The following STK17A variants were observed in gnomAD, a reference collection of about 807,000 sequenced individuals.
The protein encoded by STK17A is serine/threonine-protein kinase 17A.
A neutral mutation model predicts 43.7 loss-of-function variants in STK17A; 26 were observed. The ratio of observed to expected loss-of-function variants is 0.60; its 90% CI spans 0.44 to 0.83. The LOEUF (loss-of-function observed/expected upper bound fraction) is 0.83. Among genes scored for constraint, STK17A ranks in the 40% least tolerant of loss-of-function variants. STK17A has a pLI of 0.00. For synonymous variants in STK17A, 191 were observed against 182.5 expected, an observed-to-expected ratio of 1.05 and a Z score of -0.38; for missense variants, 476 against 511.6, an observed-to-expected ratio of 0.93 and a Z score of 0.67.
chr7:43,599,015 T>C (rs967279081), intron 2 of STK17A, among the ~76,000 whole-genome samples: 1 of 152,232 alleles, frequency 6.6e-6, no homozygotes, highest in African/African-American at 2.4e-5. Context: ...TCCACCTGCC[T>C]TGGCCTCCCA....
chr7:43,597,316 AAAT>A (rs1384359355), intron 2 of STK17A, among the ~76,000 whole-genome samples: 2 of 152,028 alleles, frequency 1.3e-5, no homozygotes, highest in Admixed American at 1.3e-4. Context: ...TATGGAAAAA[AAAT>A]CCTAAAAAAT....
In STK17A at chr7:43,617,552, C is replaced by CTA. The variant is rs1414411553; in HGVS notation, c.565-2045_565-2044insTA. ...CTCCTATTCTGAGGGATGATCATAGCATTCACTGAGACGCCTGTCATTGGC... is the reference window on the plus strand; with the variant it reads ...CTCCTATTCTGAGGGATGATCATAGCTAATTCACTGAGACGCCTGTCATTGGC... On this transcript the variant is annotated intron_variant, in intron 3 of 6. Coordinates refer to ENST00000319357, the MANE Select transcript of STK17A (RefSeq NM_004760.3). 2.0e-5 allele frequency among the ~76,000 whole-genome samples: 3 copies of CTA among 152,160 alleles called. No individual in the cohort carries two copies. In the East Asian group the frequency reaches 5.8e-4, roughly 29 times the overall value.
In STK17A at chr7:43,602,627, C is replaced by T. The variant is rs185412495; in HGVS notation, c.420-5629C>T. 1.4e-4 allele frequency among the ~76,000 whole-genome samples: 21 copies of T among 152,220 alleles called. No homozygotes were observed. The East Asian group carries it at 4.0e-3, about 29-fold the overall frequency. Reference sequence around the variant, plus strand: ...CACAGCCCTATTTTTTTAAAATCTCCTCCTCCTCTCAGAGCCGTTTATCCT... The same window carrying T: ...CACAGCCCTATTTTTTTAAAATCTCTTCCTCCTCTCAGAGCCGTTTATCCT... On this transcript the variant is annotated intron_variant, in intron 2 of 6. Coordinates refer to ENST00000319357, the MANE Select transcript of STK17A (RefSeq NM_004760.3).
rs995996552 is a variant in STK17A, at chr7:43,619,840, A to G, written c.691+117A>G. Reference sequence around the variant, plus strand: ...CTATCTACTATGTTGAAATTCTACCATCAGAGATCTATTCCTTTGGATTAC... The same window carrying G: ...CTATCTACTATGTTGAAATTCTACCGTCAGAGATCTATTCCTTTGGATTAC... On this transcript the variant is annotated intron_variant, in intron 4 of 6. Transcript: ENST00000319357. 2.4e-5 allele frequency: 31 copies of G among 1,309,560 alleles called. No individual in the cohort carries two copies. In the African/African-American group the frequency reaches 4.3e-4, roughly 18 times the overall value. The allele number at this position is 1,309,560 out of a possible 1,614,324, so 81.1% of individuals were successfully genotyped here.
intron 2 of STK17A, among the ~76,000 whole-genome samples, chr7:43,596,477 T>TG (rs1269610311): frequency 2.0e-5 from 3 of 152,200 alleles, no homozygotes; most frequent in African/African-American, 7.2e-5. Flanking sequence ...TTAGAAACAG[T>TG]GGTCTTGATT....
chr7:43,599,057 G>T (rs1418252530), intron 2 of STK17A, among the ~76,000 whole-genome samples: 1 of 152,110 alleles, frequency 6.6e-6, no homozygotes, highest in Non-Finnish European at 1.5e-5. Flanking sequence ...CAGCCACCAG[G>T]CCTGGCCTCA....
At chr7:43,604,964 T>G (rs1220199539) in intron 2 of STK17A, among the ~76,000 whole-genome samples, 3 of 152,226 alleles carry the variant, frequency 2.0e-5, no homozygotes, top group African/African-American at 7.2e-5. Context: ...TCTGATCTGC[T>G]ATAAAGACTA....
At position 43,619,586 on chromosome 7, in the gene STK17A, T is replaced by C; in HGVS notation, c.565-11T>C. ...TTATATTGATTTTTGCGGGGGTGTA[T>C]TTTCTTTTAGCCTCAGAATATTCTG... is the stretch of plus-strand genomic sequence containing the variant. On this transcript the variant is annotated splice_polypyrimidine_tract_variant and intron_variant, in intron 3 of 6. Transcript: ENST00000319357. 6.2e-7 allele frequency: 1 copy of C among 1,611,122 alleles called. No individual in the cohort carries two copies. The highest frequency in any genetic ancestry group is 1.3e-5 in the African/African-American group (1 of 74,864).
At chr7:43,610,780 A>G (rs1211029741) in intron 3 of STK17A, among the ~76,000 whole-genome samples, 1 of 152,142 alleles carries the variant, frequency 6.6e-6, no homozygotes, top group Non-Finnish European at 1.5e-5. Context: ...AATACTATAT[A>G]AATAACTGCT....
At chr7:43,600,043 C>T (rs144132665) in intron 2 of STK17A, among the ~76,000 whole-genome samples, 75 of 152,266 alleles carry the variant, frequency 4.9e-4, no homozygotes, top group African/African-American at 1.8e-3. Context: ...CTAGTCCACT[C>T]GGACTCCCAC....
chr7:43,600,634 G>A (rs989108172), intron 2 of STK17A, among the ~76,000 whole-genome samples: 2 of 152,174 alleles, frequency 1.3e-5, no homozygotes, highest in Admixed American at 6.5e-5. Flanking sequence ...ATAAACAAAA[G>A]CGATATTCAT....
chr7:43,615,247 C>A (rs556164048), intron 3 of STK17A, among the ~76,000 whole-genome samples: 3 of 152,338 alleles, frequency 2.0e-5, no homozygotes, highest in Non-Finnish European at 2.9e-5. Context: ...ACTATCTCGG[C>A]TCACTGCAAC....
In STK17A at chr7:43,619,740, G is replaced by C; in HGVS notation, c.691+17G>C. On this transcript the variant is annotated intron_variant, in intron 4 of 6. Coordinates refer to ENST00000319357, the MANE Select transcript of STK17A (RefSeq NM_004760.3). ...AATATGTGGGTAAGTATTCATAAAA[G>C]TAGTTTTGTTCTGGGGTCAGGCATC... The C allele has an allele frequency of 6.2e-7, 1 of 1,612,330 alleles. No homozygotes were observed. The highest frequency in any genetic ancestry group is 8.5e-7 in the Non-Finnish European group (1 of 1,179,220).
In STK17A at chr7:43,625,179, A is replaced by C; in HGVS notation, c.*337A>C. ...TAAAAAATCCAAGTAAAAGTGCCAA[A>C]ACTACACTTCTGTAAATCTCTTGCA... On this transcript the variant is annotated 3_prime_UTR_variant, in exon 7 of 7. Coordinates refer to ENST00000319357, the MANE Select transcript of STK17A (RefSeq NM_004760.3). The C allele has an allele frequency of 5.0e-6, 1 of 201,180 alleles. No homozygotes were observed. The highest frequency in any genetic ancestry group is 1.0e-5 in the Non-Finnish European group (1 of 98,914). 12.5% of individuals were successfully genotyped at this position (201,180 alleles called of 1,614,324 possible). A position where few individuals can be genotyped will look rare whatever the true frequency, so the allele number is the denominator to read the frequency against.
At chr7:43,608,665 T>C in intron 3 of STK17A, 1 of 273,032 alleles carries the variant, frequency 3.7e-6, no homozygotes, top group South Asian at 1.2e-4. Flanking sequence ...GCTAGATCTT[T>C]TGAAAAGTTA....
At position 43,607,477 on chromosome 7, in the gene STK17A, G is replaced by A. The variant is rs538070287; in HGVS notation, c.420-779G>A. 4.0e-5 allele frequency among the ~76,000 whole-genome samples: 6 copies of A among 151,592 alleles called. No individual in the cohort carries two copies. In the South Asian group the frequency reaches 8.3e-4, roughly 21 times the overall value. ...ATCCTGGCCAACCTGGTGAAACCCC[G>A]TCTCTACTAAAATACAAAAAAATTA... On this transcript the variant is annotated intron_variant, in intron 2 of 6. Coordinates refer to ENST00000319357, the MANE Select transcript of STK17A (RefSeq NM_004760.3).
At chr7:43,593,462 A>G (rs561061416) in intron 1 of STK17A, among the ~76,000 whole-genome samples, 53 of 152,298 alleles carry the variant, frequency 3.5e-4, no homozygotes, top group African/African-American at 1.3e-3. Context: ...TCTCTAAACT[A>G]CTTTCCATAG....
At chr7:43,610,346 CAAAAAAAAAAAAAA>C (rs138859141) in intron 3 of STK17A, among the ~76,000 whole-genome samples, 1 of 41,330 alleles carries the variant, frequency 2.4e-5, no homozygotes, top group Non-Finnish European at 4.0e-5. Context: ...GACTCCGTCT[CAAAAAAAAAAAAAA>C]AAAAAAAAAA....
At chr7:43,607,433 G>C (rs2082610674) in intron 2 of STK17A, among the ~76,000 whole-genome samples, 1 of 151,908 alleles carries the variant, frequency 6.6e-6, no homozygotes, top group Non-Finnish European at 1.5e-5. Flanking sequence ...TGGCTCACGA[G>C]GTCAAGGAGA....
Sources: allele counts gnomAD v4.1 joint callset (sites outside exome capture counted in the v4.1 genomes callset), GRCh38; gene constraint gnomAD v4.1.1; transcripts MANE v1.5; gene names NCBI Gene and HGNC (gene_info 2026-07-23, HGNC 2026-07-21).